GYS2: variants seen among roughly 807,000 people sequenced by gnomAD.
GYS2 encodes the protein glycogen synthase 2, also known as glycogen [starch] synthase, liver.
A neutral mutation model predicts 85.6 loss-of-function variants in GYS2; 80 were observed. That is an observed-to-expected ratio of 0.93 (90% confidence interval 0.78 to 1.13). GYS2 has a LOEUF of 1.13. GYS2 is among the 50% of genes most tolerant of loss of function. The probability of loss-of-function intolerance (pLI) is 0.00; values close to 1 mark genes in which losing one functional copy is unlikely to be tolerated. For synonymous variants in GYS2, 328 were observed against 300.7 expected, an observed-to-expected ratio of 1.09 and a Z score of -0.94; for missense variants, 881 against 854.9, an observed-to-expected ratio of 1.03 and a Z score of -0.38.
At chr12:21,559,580 G>A in intron 9 of GYS2, 71 bp downstream of exon 9, 1 of 850,312 alleles carries the variant, frequency 1.2e-6, no homozygotes, top group South Asian at 1.4e-5. Flanking sequence ...AATAAGTTAT[G>A]ATGTCTAAAT....
chr12:21,547,530 A>G (rs1027979997), intron 11 of GYS2, among the ~76,000 whole-genome samples: 1 of 152,224 alleles, frequency 6.6e-6, no homozygotes, highest in African/African-American at 2.4e-5. Context: ...AAAATACTAC[A>G]TGATGTATGA....
At chr12:21,555,307 C>G (rs1040415422) in intron 11 of GYS2, among the ~76,000 whole-genome samples, 1 of 151,994 alleles carries the variant, frequency 6.6e-6, no homozygotes, top group African/African-American at 2.4e-5. Flanking sequence ...ATAGATTTTT[C>G]TATCTCTTAG....
At chr12:21,537,721 A>G (rs1440966912) in intron 15 of GYS2, among the ~76,000 whole-genome samples, 1 of 152,208 alleles carries the variant, frequency 6.6e-6, no homozygotes, top group East Asian at 1.9e-4. Flanking sequence ...TGACTCTACA[A>G]TTCCACTAGT....
intron 1 of GYS2, among the ~76,000 whole-genome samples, chr12:21,598,278 C>T (rs1237755790): frequency 6.6e-6 from 1 of 152,028 alleles, no homozygotes; most frequent in Non-Finnish European, 1.5e-5. Flanking sequence ...GATCATTATA[C>T]ATTATATGCA....
rs150375744 is a variant in GYS2 at position 21,591,262 on chromosome 12, T to C, written c.122-10739A>G. Among the ~76,000 whole-genome samples, 479 of 152,086 alleles carry C rather than the reference T, an allele frequency of 3.1e-3. 1 individual carries two copies. Among genetic ancestry groups the C allele is most frequent in the African/African-American group, 0.011 (458 of 41,514 alleles). ...AAGAAATCAGAAAAACAATTCAGGATATGAATGAGAAATTTACCCAAGAGA... is the reference window on the plus strand; with the variant it reads ...AAGAAATCAGAAAAACAATTCAGGACATGAATGAGAAATTTACCCAAGAGA... On this transcript the variant is annotated intron_variant, in intron 1 of 15. Transcript: ENST00000261195.
Position 21,536,630 on chromosome 12 carries a change from T to C in GYS2, c.*324A>G. 2 of 359,980 alleles carry C rather than the reference T, an allele frequency of 5.6e-6. No individual in the cohort carries two copies. Among genetic ancestry groups the C allele is most frequent in the South Asian group, 5.3e-5 (2 of 37,714 alleles). The allele number at this position is 359,980 out of a possible 1,614,324, so 22.3% of individuals were successfully genotyped here. On this transcript the variant is annotated 3_prime_UTR_variant, in exon 16 of 16. Coordinates refer to ENST00000261195, the MANE Select transcript of GYS2 (RefSeq NM_021957.4). ...ATAAATAGTAAGCAAAGGATTATGA[T>C]GATCATTTAAAAATAAACAGAGTAA... is the stretch of plus-strand genomic sequence containing the variant.
intron 11 of GYS2, among the ~76,000 whole-genome samples, chr12:21,554,917 A>T (rs1944160167): frequency 6.6e-6 from 1 of 152,168 alleles, no homozygotes. Context: ...AATTTCAATG[A>T]ACCTTCCAGC....
At chr12:21,546,575 G>T (rs545727269) in intron 11 of GYS2, 105 bp from the exon 12 acceptor site, 48 of 669,684 alleles carry the variant, frequency 7.2e-5, no homozygotes, top group Non-Finnish European at 5.1e-6. Context: ...GAATCCTTAT[G>T]TTCTAGATTC....
chr12:21,567,301 A>G (rs1944332258), intron 5 of GYS2, among the ~76,000 whole-genome samples: 1 of 152,152 alleles, frequency 6.6e-6, no homozygotes, highest in South Asian at 2.1e-4. Context: ...TTTTCATTTT[A>G]GAATAGGCAA....
intron 13 of GYS2, among the ~76,000 whole-genome samples, chr12:21,541,449 A>G (rs1352318587): frequency 6.6e-6 from 1 of 151,958 alleles, no homozygotes; most frequent in Admixed American, 6.6e-5. Flanking sequence ...ACGGGCCTTT[A>G]AAATAATAAC....
chr12:21,544,500 A>T (rs909071186), intron 12 of GYS2, among the ~76,000 whole-genome samples: 1 of 152,182 alleles, frequency 6.6e-6, no homozygotes, highest in Non-Finnish European at 1.5e-5. Flanking sequence ...TCAGTCACTC[A>T]TGCATTTGGT....
At chr12:21,590,525 G>A (rs144840446) in intron 1 of GYS2, among the ~76,000 whole-genome samples, 1 of 152,268 alleles carries the variant, frequency 6.6e-6, no homozygotes, top group Non-Finnish European at 1.5e-5. Flanking sequence ...CAACACCAGT[G>A]CAGACTGCTT....
intron 1 of GYS2, among the ~76,000 whole-genome samples, chr12:21,586,419 A>ATATCTATC (rs60692055): frequency 0.012 from 1,840 of 147,860 alleles, 17 homozygotes; most frequent in East Asian, 0.014. Context: ...ATCTAAATCT[A>ATATCTATC]TATCTATCTA....
intron 1 of GYS2, among the ~76,000 whole-genome samples, chr12:21,594,276 A>G (rs1382366876): frequency 6.6e-6 from 1 of 152,150 alleles, no homozygotes; most frequent in Non-Finnish European, 1.5e-5. Flanking sequence ...AAAGAAAGAA[A>G]GAAAAGGCAT....
Position 21,558,293 on chromosome 12 carries a change from C to T in GYS2, c.1329G>A (p.Val443=), listed in dbSNP as rs1944207848. 6.2e-7 allele frequency: 1 copy of T among 1,612,346 alleles called. No homozygotes were observed. Among genetic ancestry groups the T allele is most frequent in the Admixed American group, 1.7e-5 (1 of 60,002 alleles). The change falls in exon 11 of 16, where the codon GTG becomes GTA. Residue 443 remains valine (V), a synonymous_variant. Transcript: ENST00000261195. Reference sequence around the variant, plus strand: ...AGTCATCAATCATGTTGTGCGTGGTCACTGGGGGCAATGACTGTCGCTGAA... The same window carrying T: ...AGTCATCAATCATGTTGTGCGTGGTTACTGGGGGCAATGACTGTCGCTGAA... ...FSTQRQSLPP[V]TTHNMIDDST...
At chr12:21,595,304 C>G (rs187423407) in intron 1 of GYS2, among the ~76,000 whole-genome samples, 1 of 152,108 alleles carries the variant, frequency 6.6e-6, no homozygotes, top group South Asian at 2.1e-4. Flanking sequence ...GTAGATTGCT[C>G]CTGCAGGACC....
At chr12:21,570,825 T>A (rs1426501870) in intron 4 of GYS2, among the ~76,000 whole-genome samples, 1 of 152,176 alleles carries the variant, frequency 6.6e-6, no homozygotes, top group Non-Finnish European at 1.5e-5. Context: ...TCTGAAAGTG[T>A]TTATTTAGAG....
chr12:21,592,408 T>G (rs1565612113), intron 1 of GYS2, among the ~76,000 whole-genome samples: 1 of 152,016 alleles, frequency 6.6e-6, no homozygotes, highest in Admixed American at 6.5e-5. Flanking sequence ...GAAACTTATC[T>G]CACTTGTAAA....
chr12:21,558,251 G>A lies in GYS2; in HGVS notation c.1371C>T (p.Leu457=). The part of the protein sequence containing the change: ...NMIDDSTDPI[L]STIRRIGLFN... ...AAAGTCCAATCCGTCTAATGGTGCT[G>A]AGGATGGGGTCGGTGGAGTCATCAA... Residue 457 remains leucine, a synonymous_variant, in exon 11 of 16, where the codon CTC becomes CTT. Transcript: ENST00000261195. The A allele has an allele frequency of 3.7e-6, 6 of 1,614,054 alleles. No homozygotes were observed. Among genetic ancestry groups the A allele is most frequent in the Middle Eastern group, 1.6e-4 (1 of 6,062 alleles).
Sources: gnomAD v4.1 joint callset for allele counts (sites outside exome capture counted in the v4.1 genomes callset) on GRCh38, gnomAD v4.1.1 for gene constraint, MANE v1.5 for transcripts, NCBI Gene and HGNC (gene_info 2026-07-23, HGNC 2026-07-21) for gene names.